Variants in XPO1 observed in about 807,000 individuals in gnomAD.
XPO1 encodes the protein exportin 1.
XPO1 carries 5 observed loss-of-function variants against 133.3 expected under a neutral mutation model. That is an observed-to-expected ratio of 0.04 (90% CI 0.02 to 0.08). The LOEUF is 0.08. Ranked by LOEUF, XPO1 falls within the 10% of genes least tolerant of loss-of-function variation. The pLI is 1.00. For missense variants in XPO1, 506 were observed against 1,267.5 expected, an observed-to-expected ratio of 0.40 and a Z score of 9.12; for synonymous variants, 419 against 408.2, an observed-to-expected ratio of 1.03 and a Z score of -0.32.
chr2:61,512,010 T>C (rs1045780678), intron 4 of XPO1, among the ~76,000 whole-genome samples: 4 of 151,906 alleles, frequency 2.6e-5, no homozygotes, highest in Non-Finnish European at 5.9e-5. Context: ...CCTCAGACAA[T>C]TGCCTGCCTA....
chr2:61,480,149 GCC>G (rs1696269998), intron 24 of XPO1, among the ~76,000 whole-genome samples: 2 of 152,044 alleles, frequency 1.3e-5, no homozygotes, highest in Non-Finnish European at 2.9e-5. Flanking sequence ...ACAGGTGTGA[GCC>G]ACTGTGCCCA....
At position 61,518,968 on chromosome 2, in the gene XPO1, C is replaced by CT. The variant is rs199964196; in HGVS notation, c.301+3642dup. 1.0e-3 allele frequency among the ~76,000 whole-genome samples: 155 copies of CT among 151,382 alleles called. 2 individuals are homozygous for CT. Among genetic ancestry groups the CT allele is most frequent in the South Asian group, 6.3e-3 (30 of 4,788 alleles). ...TTTCTAATTATGTCTATCTTTTGCT[C>CT]TTTTTTTTTGAGATGAAGTCTCGCT... On this transcript the variant is annotated intron_variant, in intron 4 of 24. Coordinates refer to ENST00000401558, the MANE Select transcript of XPO1 (RefSeq NM_003400.4).
chr2:61,536,512 T>C (rs11125886), intron 1 of XPO1: 3,223 of 152,226 alleles, frequency 0.021, 52 homozygotes, highest in South Asian at 0.041. Flanking sequence ...ACCCAGAAAA[T>C]CATAACCGTT....
rs778843396 is a variant in XPO1, at chr2:61,498,681, T to C, written c.751A>G (p.Ile251Val). 1.9e-6 allele frequency: 3 copies of C among 1,613,596 alleles called. No homozygotes were observed. Among genetic ancestry groups the C allele is most frequent in the Non-Finnish European group, 2.5e-6 (3 of 1,179,922 alleles). ...AAATGTATTCACTGTACCTTATAAA[T>C]CAATGTGCTGATTAATTTGGTCTCA... ...IFETKLISTL[I>V]YKFLNVPMFR... The change falls in exon 9 of 25, where the codon ATT becomes GTT. Residue 251 changes from isoleucine to valine, a missense_variant. Ile to Val is a conservative substitution (Grantham distance 29, BLOSUM62 3). This residue lies in a region of XPO1 where 134 missense variants were observed against 261.6 expected (regional missense o/e 0.51). Coordinates refer to ENST00000401558, the MANE Select transcript of XPO1 (RefSeq NM_003400.4).
At chr2:61,532,679 CA>C (rs1405130862) in intron 2 of XPO1, among the ~76,000 whole-genome samples, 1 of 149,342 alleles carries the variant, frequency 6.7e-6, no homozygotes, top group Admixed American at 6.7e-5. Flanking sequence ...TACTAAAATA[CA>C]AAAAATTAGC....
intron 23 of XPO1, 105 bp from the exon 24 acceptor site, chr2:61,481,386 G>T: frequency 1.7e-6 from 1 of 599,296 alleles, no homozygotes; most frequent in Non-Finnish European, 2.6e-6. Context: ...TCTGCTCACT[G>T]TAATCTCTGC....
At chr2:61,525,141 G>T in intron 3 of XPO1, 1 of 364,986 alleles carries the variant, frequency 2.7e-6, no homozygotes, top group Non-Finnish European at 3.8e-6. Flanking sequence ...GATCCCTATG[G>T]TAGAAATTTC....
intron 4 of XPO1, among the ~76,000 whole-genome samples, chr2:61,504,338 T>A (rs928621603): frequency 1.1e-4 from 16 of 152,214 alleles, no homozygotes; most frequent in Non-Finnish European, 2.4e-4. Flanking sequence ...TTCAAGAGTG[T>A]TGCAGAATGT....
chr2:61,506,735 A>C (rs1196512499), intron 4 of XPO1, among the ~76,000 whole-genome samples: 2 of 152,114 alleles, frequency 1.3e-5, no homozygotes, highest in Non-Finnish European at 2.9e-5. Flanking sequence ...GATATAATAC[A>C]TATCTAGGTA....
chr2:61,482,712 T>TC, intron 22 of XPO1, 173 bp from the exon 23 acceptor site: 1 of 758,132 alleles, frequency 1.3e-6, no homozygotes, highest in East Asian at 2.8e-5. Flanking sequence ...TCCAAGCCAT[T>TC]CTCCTGCCTC....
chr2:61,487,227 A>C (rs1292894139), intron 19 of XPO1, among the ~76,000 whole-genome samples: 1 of 152,040 alleles, frequency 6.6e-6, no homozygotes, highest in African/African-American at 2.4e-5. Flanking sequence ...AATATCCCAA[A>C]CTTTAACATT....
chr2:61,488,378 C>A, intron 18 of XPO1, 107 bp from the exon 19 acceptor site: 1 of 1,241,688 alleles, frequency 8.1e-7, no homozygotes, highest in Non-Finnish European at 1.1e-6. Context: ...AGTTTAAAGC[C>A]AAAAGTTCAC....
At chr2:61,520,399 C>T (rs888505253) in intron 4 of XPO1, among the ~76,000 whole-genome samples, 3 of 152,034 alleles carry the variant, frequency 2.0e-5, no homozygotes, top group African/African-American at 7.2e-5. Context: ...ACAATCCCAG[C>T]ACTCTGGCAG....
intron 2 of XPO1, among the ~76,000 whole-genome samples, chr2:61,527,596 A>G (rs1166024189): frequency 6.6e-6 from 1 of 152,224 alleles, no homozygotes; most frequent in Non-Finnish European, 1.5e-5. Context: ...AATACATTTC[A>G]TGGAAAGACT....
intron 4 of XPO1, among the ~76,000 whole-genome samples, chr2:61,520,138 T>C (rs2104725396): frequency 6.6e-6 from 1 of 152,264 alleles, no homozygotes; most frequent in South Asian, 2.1e-4. Context: ...GCTATGGTAG[T>C]TGGACAAAGG....
chr2:61,517,766 T>A (rs1373892308), intron 4 of XPO1, among the ~76,000 whole-genome samples: 1 of 151,906 alleles, frequency 6.6e-6, no homozygotes, highest in African/African-American at 2.4e-5. Flanking sequence ...TGAGACTCTA[T>A]CTCTAAAAAA....
Position 61,482,402 on chromosome 2 carries a change from A to C in XPO1, c.2950T>G (p.Ser984Ala). 1 of 1,611,112 alleles carries C rather than the reference A, an allele frequency of 6.2e-7. No individual in the cohort carries two copies. Among genetic ancestry groups the C allele is most frequent in the Non-Finnish European group, 8.5e-7 (1 of 1,179,174 alleles). The change falls in exon 23 of 25, where the codon TCG becomes GCG. Residue 984 changes from serine (S) to alanine (A), a missense_variant. This residue lies in a region of XPO1 where 203 missense variants were observed against 365.9 expected (regional missense o/e 0.55). Coordinates refer to ENST00000401558, the MANE Select transcript of XPO1 (RefSeq NM_003400.4). ...LQEYVANLLK[S>A]AFPHLQDAQV... Reference sequence around the variant, plus strand: ...TACTCTTGTAGGTGAGGGAAGGCCGACTTAAGGAGATTAGCCACATATTCC... The same window carrying C: ...TACTCTTGTAGGTGAGGGAAGGCCGCCTTAAGGAGATTAGCCACATATTCC...
chr2:61,510,435 A>T (rs1055597278), intron 4 of XPO1, among the ~76,000 whole-genome samples: 5 of 152,226 alleles, frequency 3.3e-5, no homozygotes, highest in African/African-American at 1.2e-4. Context: ...GAAGACAAAC[A>T]GCTAACAATA....
intron 17 of XPO1, among the ~76,000 whole-genome samples, 156 bp downstream of exon 17, chr2:61,490,483 GCCA>G (rs1696927153): frequency 6.6e-6 from 1 of 152,184 alleles, no homozygotes; most frequent in African/African-American, 2.4e-5. Context: ...ACAGGCGTGA[GCCA>G]CCACACCTCG....
Sources: allele counts gnomAD v4.1 joint callset (sites outside exome capture counted in the v4.1 genomes callset), GRCh38; gene constraint gnomAD v4.1.1; regional missense constraint gnomAD v4.1.1; transcripts MANE v1.5; gene names NCBI Gene and HGNC (gene_info 2026-07-23, HGNC 2026-07-21).